The following DLGAP1 variants were observed in gnomAD, a reference collection of about 807,000 sequenced individuals.
DLGAP1 encodes DLG associated protein 1, also known as disks large-associated protein 1.
In DLGAP1, 11 loss-of-function variants were observed where a neutral mutation model predicts 90.8. The observed-to-expected ratio is 0.12, with a 90% CI of 0.08 to 0.20. The LOEUF (loss-of-function observed/expected upper bound fraction) is 0.20. Among genes scored for constraint, DLGAP1 ranks in the 10% least tolerant of loss-of-function variants. The probability of loss-of-function intolerance (pLI) is 1.00; values close to 1 mark genes in which losing one functional copy is unlikely to be tolerated. For synonymous variants in DLGAP1, 558 were observed against 540.7 expected, an observed-to-expected ratio of 1.03 and a Z score of -0.44; for missense variants, 1,050 against 1,333.8, an observed-to-expected ratio of 0.79 and a Z score of 3.31.
Position 3,839,593 on chromosome 18 carries a change from A to T in DLGAP1, c.958-25320T>A, listed in dbSNP as rs538086735. Among the ~76,000 whole-genome samples, 133 of 152,348 alleles carry T rather than the reference A, an allele frequency of 8.7e-4. No homozygotes were observed. In the South Asian group the frequency reaches 9.5e-3, roughly 11 times the overall value. The stretch of plus-strand genomic sequence containing the variant: ...GGCACTATATATACTCATGGGAAGC[A>T]GCAAGCTTCACTTCGGACCTAGGGC... On this transcript the variant is annotated intron_variant, in intron 4 of 12. Transcript: ENST00000315677.
chr18:4,387,845 C>A (rs1411509741), intron 1 of DLGAP1, among the ~76,000 whole-genome samples: 1 of 151,714 alleles, frequency 6.6e-6, no homozygotes, highest in African/African-American at 2.4e-5. Flanking sequence ...GCAGGAGAAT[C>A]ACTTGAACCC....
chr18:3,605,571 A>G (rs1004095044), intron 7 of DLGAP1, among the ~76,000 whole-genome samples: 8 of 152,234 alleles, frequency 5.3e-5, no homozygotes, highest in Admixed American at 2.6e-4. Context: ...TATCTCTTGC[A>G]TATTTTCTTT....
intron 4 of DLGAP1, among the ~76,000 whole-genome samples, chr18:3,826,447 C>T (rs370255379): frequency 1.2e-4 from 18 of 152,260 alleles, no homozygotes; most frequent in Middle Eastern, 3.4e-3. Flanking sequence ...GTGGCATCAT[C>T]GCAGGCTACA....
In DLGAP1 at chr18:3,512,711, A is replaced by G. The variant is rs1373074369; in HGVS notation, c.2480-4050T>C. Reference sequence around the variant, plus strand: ...ATTTGAAAAAACTTGTACTCAAACTACAAAGTTTCTTCCCCACGGACATCT... The same window carrying G: ...ATTTGAAAAAACTTGTACTCAAACTGCAAAGTTTCTTCCCCACGGACATCT... On this transcript the variant is annotated intron_variant, in intron 10 of 12. Coordinates refer to ENST00000315677, the MANE Select transcript of DLGAP1 (RefSeq NM_004746.4). Among the ~76,000 whole-genome samples, 3 of 152,222 alleles carry G rather than the reference A, an allele frequency of 2.0e-5. No homozygotes were observed. The East Asian group carries it at 5.8e-4, about 29-fold the overall frequency.
chr18:3,550,016 C>T (rs56134910), intron 9 of DLGAP1, among the ~76,000 whole-genome samples: 29,648 of 152,032 alleles, frequency 0.2, 3,172 homozygotes, highest in African/African-American at 0.27. Context: ...CGGGTTCAAG[C>T]GATTTTCCTG....
chr18:3,909,952 A>T (rs1384033692), intron 3 of DLGAP1, among the ~76,000 whole-genome samples: 1 of 152,076 alleles, frequency 6.6e-6, no homozygotes. Context: ...GGAATCACAC[A>T]GAAAAAACTG....
At chr18:3,699,152 T>A (rs1266609558) in intron 7 of DLGAP1, among the ~76,000 whole-genome samples, 1 of 152,118 alleles carries the variant, frequency 6.6e-6, no homozygotes. Flanking sequence ...CATCAATTCG[T>A]CAAACTCATT....
At chr18:3,579,852 T>G (rs9966134) in intron 8 of DLGAP1, among the ~76,000 whole-genome samples, 40,557 of 152,124 alleles carry the variant, frequency 0.27, 6,110 homozygotes, top group Middle Eastern at 0.35. Context: ...TGCTGTGATG[T>G]GTGTTATTGC....
At position 3,742,886 on chromosome 18, in the gene DLGAP1, T is replaced by C. The variant is rs190406235; in HGVS notation, c.1173-374A>G. On this transcript the variant is annotated intron_variant, in intron 5 of 12. Coordinates refer to ENST00000315677, the MANE Select transcript of DLGAP1 (RefSeq NM_004746.4). ...CTTTCCTGTGGCCATCTTTTTGTTT[T>C]TGGACTGTTTGGTAACAGTAAGTGG... 2.4e-3 allele frequency among the ~76,000 whole-genome samples: 373 copies of C among 152,334 alleles called. 2 individuals carry two copies. The highest frequency in any genetic ancestry group is 2.8e-3 in the Non-Finnish European group (190 of 68,018).
chr18:4,391,452 C>T (rs992313411), intron 1 of DLGAP1, among the ~76,000 whole-genome samples: 1 of 152,158 alleles, frequency 6.6e-6, no homozygotes, highest in African/African-American at 2.4e-5. Context: ...CTCTAGTGTT[C>T]ACTCAGTGGT....
chr18:4,407,576 TGTATCTAAAA>T lies in DLGAP1; in HGVS notation c.-267+47420_-267+47429del, dbSNP rs549196336. Among the ~76,000 whole-genome samples the T allele has an allele frequency of 4.1e-3, 631 of 152,208 alleles. 3 individuals carry two copies. The highest frequency in any genetic ancestry group is 0.015 in the African/African-American group (604 of 41,520). On this transcript the variant is annotated intron_variant, in intron 1 of 12. Coordinates refer to ENST00000315677, the MANE Select transcript of DLGAP1 (RefSeq NM_004746.4). ...CTCGGCAAATCCCTTCCCTCAATCA[TGTATCTAAAA>T]GTATCTAACAGGCCGAGTGCGCTGG...
At chr18:3,506,963 T>C (rs1240877397) in intron 11 of DLGAP1, among the ~76,000 whole-genome samples, 1 of 151,958 alleles carries the variant, frequency 6.6e-6, no homozygotes, top group Non-Finnish European at 1.5e-5. Context: ...TTCTGAAAAA[T>C]TGGAAGAAGG....
chr18:3,817,233 G>A (rs2067151195), intron 4 of DLGAP1, among the ~76,000 whole-genome samples: 1 of 152,080 alleles, frequency 6.6e-6, no homozygotes, highest in Non-Finnish European at 1.5e-5. Flanking sequence ...TAGCTCATAT[G>A]GCTTATGCAA....
intron 4 of DLGAP1, chr18:3,874,733 C>T (rs1338370715): frequency 3.9e-6 from 6 of 1,520,592 alleles, no homozygotes; most frequent in Non-Finnish European, 5.3e-6. Context: ...CTAATACAGA[C>T]AGTCACTGGC....
intron 10 of DLGAP1, among the ~76,000 whole-genome samples, chr18:3,523,609 A>T (rs552587349): frequency 6.6e-6 from 1 of 152,190 alleles, no homozygotes; most frequent in East Asian, 1.9e-4. Context: ...GCACTTTGGG[A>T]GGCCAAGGAG....
intron 1 of DLGAP1, among the ~76,000 whole-genome samples, chr18:4,176,418 A>G (rs1244429728): frequency 6.6e-6 from 1 of 152,126 alleles, no homozygotes; most frequent in Non-Finnish European, 1.5e-5. Flanking sequence ...ACCAGCAGCC[A>G]TTCGTGTGGT....
intron 1 of DLGAP1, among the ~76,000 whole-genome samples, chr18:4,390,278 C>T (rs1487660415): frequency 1.3e-5 from 2 of 152,074 alleles, no homozygotes; most frequent in African/African-American, 4.8e-5. Flanking sequence ...AGGTCCCATG[C>T]ACCCCTGTCC....
At chr18:4,202,390 A>C (rs960275623) in intron 1 of DLGAP1, among the ~76,000 whole-genome samples, 2 of 152,166 alleles carry the variant, frequency 1.3e-5, no homozygotes, top group Non-Finnish European at 2.9e-5. Flanking sequence ...TGTTGGGTAC[A>C]ATGTACACTA....
intron 7 of DLGAP1, among the ~76,000 whole-genome samples, chr18:3,723,628 G>A (rs906166035): frequency 1.3e-5 from 2 of 152,102 alleles, no homozygotes; most frequent in African/African-American, 4.8e-5. Context: ...TGGGTGAGGT[G>A]TGGTCTCCTG....
Sources: allele counts gnomAD v4.1 joint callset (sites outside exome capture counted in the v4.1 genomes callset), GRCh38; gene constraint gnomAD v4.1.1; transcripts MANE v1.5; gene names NCBI Gene and HGNC (gene_info 2026-07-23, HGNC 2026-07-21).